THEMIS2: variants seen among roughly 807,000 people sequenced by gnomAD.
The protein encoded by THEMIS2 is thymocyte selection associated family member 2.
THEMIS2 carries 29 observed loss-of-function variants against 46.8 expected under a neutral mutation model. The observed-to-expected ratio is 0.62, with a 90% CI of 0.46 to 0.84. The LOEUF (loss-of-function observed/expected upper bound fraction) is 0.84, where lower values mean the gene tolerates loss of function less well. THEMIS2 is among the 40% of genes least tolerant of loss of function. The pLI is 0.00. For synonymous variants in THEMIS2, 335 were observed against 349.1 expected (o/e 0.96, Z 0.45); for missense variants, 698 against 834.7 (o/e 0.84, Z 2.02).
At position 27,885,408 on chromosome 1, in the gene THEMIS2, C is replaced by A. The variant is rs373684077; in HGVS notation, c.1833C>A (p.His611Gln). The A allele has an allele frequency of 6.8e-6, 11 of 1,614,170 alleles. No homozygotes were observed. Among genetic ancestry groups the A allele is most frequent in the Non-Finnish European group, 9.3e-6 (11 of 1,180,016 alleles). The stretch of plus-strand genomic sequence containing the variant: ...GTACGTACAGCAAGATTCCTGCCCA[C>A]AGGAAGGGCCACAGGCCCGCTAAGC... ...GSSTYSKIPA[H>Q]RKGHRPAKPQ... is the part of the protein sequence containing the mutation. Residue 611 changes from histidine (H) to glutamine (Q), a missense_variant, in exon 5 of 6, where the codon CAC becomes CAA. By Grantham distance (24) the His-to-Gln change is conservative. Transcript: ENST00000373921.
At position 27,882,300 on chromosome 1, in the gene THEMIS2, C is replaced by T. The variant is rs773899832; in HGVS notation, c.976C>T (p.Arg326Trp). The T allele has an allele frequency of 1.6e-5, 26 of 1,601,400 alleles. No homozygotes were observed. Among genetic ancestry groups the T allele is most frequent in the Admixed American group, 8.5e-5 (5 of 58,692 alleles). The change falls in exon 4 of 6, where the codon CGG (arginine) becomes TGG (tryptophan). Residue 326 changes from arginine to tryptophan, a missense_variant. Coordinates refer to ENST00000373921, the MANE Select transcript of THEMIS2 (RefSeq NM_001105556.3). The surrounding 1 kb of genome is among the most constrained non-coding windows in gnomAD (Gnocchi z 7.6). Reference sequence around the variant, plus strand: ...AGGGGGCTACCAAGGCAAGCTGCGGCGGCGGCCAAGGGAGTTCCCCACGGC... The same window carrying T: ...AGGGGGCTACCAAGGCAAGCTGCGGTGGCGGCCAAGGGAGTTCCCCACGGC... ...VSGGYQGKLRRRPREFPTAYD... is the reference protein window; with the variant it reads ...VSGGYQGKLRWRPREFPTAYD...
chr1:27,885,080 C>T, intron 4 of THEMIS2: 1 of 515,754 alleles, frequency 1.9e-6, no homozygotes, highest in Non-Finnish European at 3.5e-6. Flanking sequence ...AACCCCCAAC[C>T]CTATCCTCAT....
Position 27,882,158 on chromosome 1 carries a change from G to C in THEMIS2, c.834G>C (p.Pro278=), listed in dbSNP as rs368929601. Residue 278 remains proline, a synonymous_variant, in exon 4 of 6, where the codon CCG becomes CCC. Transcript: ENST00000373921. This position sits in a 1 kb window ranked among gnomAD's most constrained non-coding sequence, Gnocchi z 7.6. ...AGGGCCGCCCCATCTTCCTCAGCCC[G>C]TGGGTGGGCTCCTTGCAAAAAGGCC... ...VPEGRPIFLS[P]WVGSLQKGQR... The C allele has an allele frequency of 1.2e-6, 2 of 1,614,054 alleles. No individual in the cohort carries two copies. The highest frequency in any genetic ancestry group is 2.7e-5 in the African/African-American group (2 of 74,944).
chr1:27,875,708 AT>A (rs1000769707), intron 1 of THEMIS2, among the ~76,000 whole-genome samples: 20 of 145,566 alleles, frequency 1.4e-4, no homozygotes, highest in African/African-American at 3.2e-4. Flanking sequence ...TTTATTTATT[AT>A]TTTTTTTTTG....
In THEMIS2 at chr1:27,872,585, C is replaced by G. The variant is rs967373866; in HGVS notation, c.14C>G (p.Pro5Arg). The G allele has an allele frequency of 3.4e-6, 5 of 1,488,252 alleles. No individual in the cohort carries two copies. The highest frequency in any genetic ancestry group is 1.2e-5 in the South Asian group (1 of 80,118). The allele number at this position is 1,488,252 out of a possible 1,614,324, so 92.2% of individuals were successfully genotyped here. A position where few individuals can be genotyped will look rare whatever the true frequency, so the allele number is the denominator to read the frequency against. Reference sequence around the variant, plus strand: ...GCCGCGGGGACCATGGAGCCGGTGCCGCTGCAGGACTTCGTGCGCGCCTTG... The same window carrying G: ...GCCGCGGGGACCATGGAGCCGGTGCGGCTGCAGGACTTCGTGCGCGCCTTG... Reference protein sequence around the residue: MEPVPLQDFVRALDP... With the variant: MEPVRLQDFVRALDP... The change falls in exon 1 of 6, where the codon CCG becomes CGG. Residue 5 changes from proline to arginine, a missense_variant. Physicochemically the swap from Pro to Arg is moderately radical, Grantham distance 103 (BLOSUM62 -2). Coordinates refer to ENST00000373921, the MANE Select transcript of THEMIS2 (RefSeq NM_001105556.3). The surrounding 1 kb of genome is among the most constrained non-coding windows in gnomAD (Gnocchi z 4.9).
intron 3 of THEMIS2, among the ~76,000 whole-genome samples, chr1:27,881,359 G>A (rs976896513): frequency 2.0e-5 from 3 of 151,014 alleles, no homozygotes; most frequent in African/African-American, 7.3e-5. Flanking sequence ...GCTGAGGCAG[G>A]AGAATGGCGT....
intron 1 of THEMIS2, among the ~76,000 whole-genome samples, chr1:27,875,319 G>A (rs1045060485): frequency 3.3e-5 from 5 of 152,188 alleles, no homozygotes; most frequent in Non-Finnish European, 5.9e-5. Context: ...GCCTGTCTCC[G>A]CAAGAGCAGT....
chr1:27,875,655 G>A (rs1410308552), intron 1 of THEMIS2, among the ~76,000 whole-genome samples: 3 of 151,972 alleles, frequency 2.0e-5, no homozygotes, highest in Non-Finnish European at 4.4e-5. Flanking sequence ...AGCAACTTCT[G>A]TGTTCTCGAC....
Position 27,876,616 on chromosome 1 carries a change from G to C in THEMIS2, c.123G>C (p.Glu41Asp). 6 of 1,613,960 alleles carry C rather than the reference G, an allele frequency of 3.7e-6. No homozygotes were observed. Among genetic ancestry groups the C allele is most frequent in the Non-Finnish European group, 5.1e-6 (6 of 1,179,966 alleles). Residue 41 changes from glutamate to aspartate, a missense_variant, in exon 2 of 6, where the codon GAG becomes GAC. Transcript: ENST00000373921. Reference protein sequence around the residue: ...EGSIYEISGNECCLSTGDLIK... With the variant: ...EGSIYEISGNDCCLSTGDLIK... ...CCATCTATGAGATCTCTGGGAATGA[G>C]TGCTGCCTCTCCACGGGGGACCTGA...
intron 2 of THEMIS2, among the ~76,000 whole-genome samples, chr1:27,879,335 GGA>G (rs1231768120): frequency 7.9e-5 from 12 of 152,230 alleles, no homozygotes; most frequent in Admixed American, 2.6e-4. Context: ...TCAGGAGCTT[GGA>G]GAGTGTGGAA....
chr1:27,883,638 G>C (rs567545561), intron 4 of THEMIS2: 1 of 152,290 alleles, frequency 6.6e-6, no homozygotes, highest in Non-Finnish European at 1.5e-5. Context: ...AGAAATGCCC[G>C]CAGCTCCCTC....
Position 27,877,379 on chromosome 1 carries a change from G to T in THEMIS2, c.235+651G>T, listed in dbSNP as rs112200217. 5.9e-3 allele frequency among the ~76,000 whole-genome samples: 893 copies of T among 152,194 alleles called. 16 individuals carry two copies. The highest frequency in any genetic ancestry group is 0.02 in the African/African-American group (848 of 41,542). On this transcript the variant is annotated intron_variant, in intron 2 of 5. Transcript: ENST00000373921. Reference sequence around the variant, plus strand: ...CTCGCTCTGTCACCCAAGCTGGAGTGCAGTGGCGTGATCTGGACTCACTGC... The same window carrying T: ...CTCGCTCTGTCACCCAAGCTGGAGTTCAGTGGCGTGATCTGGACTCACTGC...
At position 27,882,655 on chromosome 1, in the gene THEMIS2, A is replaced by G. The variant is rs1314056895; in HGVS notation, c.1331A>G (p.Asp444Gly). 6.2e-7 allele frequency: 1 copy of G among 1,614,122 alleles called. No homozygotes were observed. Among genetic ancestry groups the G allele is most frequent in the Admixed American group, 1.7e-5 (1 of 60,022 alleles). Residue 444 changes from aspartate (D) to glycine (G), a missense_variant, in exon 4 of 6, where the codon GAT (aspartate) becomes GGT (glycine). Coordinates refer to ENST00000373921, the MANE Select transcript of THEMIS2 (RefSeq NM_001105556.3). The surrounding 1 kb of genome is among the most constrained non-coding windows in gnomAD (Gnocchi z 7.6). The stretch of plus-strand genomic sequence containing the variant: ...GACAGCCGGCGCTACAGCCTGGCAG[A>G]TCTGACTGCCCAGTTTTCACTGCCT... ...MSDSRRYSLA[D>G]LTAQFSLPCE... is the part of the protein sequence containing the mutation.
intron 2 of THEMIS2, among the ~76,000 whole-genome samples, chr1:27,877,623 G>C (rs116810846): frequency 2.0e-5 from 3 of 151,962 alleles, no homozygotes; most frequent in Non-Finnish European, 2.9e-5. Flanking sequence ...CACCATGCCC[G>C]GCCAGAGCTC....
chr1:27,884,501 A>G (rs1250284156), intron 4 of THEMIS2: 3 of 152,276 alleles, frequency 2.0e-5, no homozygotes, highest in Non-Finnish European at 4.4e-5. Context: ...CAATGGCTGG[A>G]CTGAAACATC....
chr1:27,879,373 G>A (rs12048235), intron 2 of THEMIS2, among the ~76,000 whole-genome samples: 42,643 of 151,522 alleles, frequency 0.28, 7,009 homozygotes, highest in Middle Eastern at 0.41. Context: ...CAGGGAATGT[G>A]TCCCTCTTCC....
At chr1:27,878,013 G>C (rs1392950589) in intron 2 of THEMIS2, among the ~76,000 whole-genome samples, 2 of 151,784 alleles carry the variant, frequency 1.3e-5, no homozygotes, top group African/African-American at 2.4e-5. Context: ...AGCTAGGGGT[G>C]GTGGGGGGCA....
intron 1 of THEMIS2, among the ~76,000 whole-genome samples, chr1:27,874,179 G>A (rs1169864907): frequency 1.3e-5 from 2 of 151,762 alleles, no homozygotes; most frequent in South Asian, 2.1e-4. Context: ...CCACAGGCAC[G>A]CACCAGGACA....
In THEMIS2 at chr1:27,886,148, C is replaced by T; in HGVS notation, c.*226C>T. The T allele has an allele frequency of 1.8e-6, 1 of 548,674 alleles. No homozygotes were observed. Among genetic ancestry groups the T allele is most frequent in the Non-Finnish European group, 3.3e-6 (1 of 306,302 alleles). The allele number at this position is 548,674 out of a possible 1,614,324, so 34.0% of individuals were successfully genotyped here. A position where few individuals can be genotyped will look rare whatever the true frequency, so the allele number is the denominator to read the frequency against. On this transcript the variant is annotated 3_prime_UTR_variant, in exon 6 of 6. Coordinates refer to ENST00000373921, the MANE Select transcript of THEMIS2 (RefSeq NM_001105556.3). The stretch of plus-strand genomic sequence containing the variant: ...TTTGGACCTAACATCTCGCACGTGA[C>T]TCCCTCAGCCTCAGAGCCTTGGGAT...
Sources: allele counts gnomAD v4.1 joint callset (sites outside exome capture counted in the v4.1 genomes callset), GRCh38; gene constraint gnomAD v4.1.1; non-coding constraint Gnocchi (gnomAD v3.1); transcripts MANE v1.5; gene names NCBI Gene and HGNC (gene_info 2026-07-23, HGNC 2026-07-21).